SERPINA6: variants seen among roughly 807,000 people sequenced by gnomAD.
The protein encoded by SERPINA6 is serpin family A member 6.
In SERPINA6, 19 loss-of-function variants were observed where a neutral mutation model predicts 26.4. The ratio of observed to expected loss-of-function variants is 0.72; its 90% CI spans 0.50 to 1.06. SERPINA6 has a LOEUF of 1.06. Ranked by LOEUF, SERPINA6 falls within the 50% of genes least tolerant of loss-of-function variation. The pLI, the probability that SERPINA6 is intolerant of heterozygous loss-of-function variation, is 0.00. For missense variants in SERPINA6, 473 were observed against 504.0 expected, an observed-to-expected ratio of 0.94 and a Z score of 0.59; for synonymous variants, 196 against 199.4, an observed-to-expected ratio of 0.98 and a Z score of 0.14.
At chr14:94,316,312 G>A (rs1895613399) in intron 1 of SERPINA6, among the ~76,000 whole-genome samples, 2 of 152,154 alleles carry the variant, frequency 1.3e-5, no homozygotes, top group African/African-American at 2.4e-5. Flanking sequence ...TGTCCTATTT[G>A]CACTTGAGAA....
At chr14:94,316,645 C>G (rs1895618771) in intron 1 of SERPINA6, among the ~76,000 whole-genome samples, 1 of 152,138 alleles carries the variant, frequency 6.6e-6, no homozygotes, top group African/African-American at 2.4e-5. Context: ...GGAATTAGTG[C>G]CTACATAAAA....
chr14:94,314,508 G>C lies in SERPINA6; in HGVS notation c.141C>G (p.Ala47=), dbSNP rs745877446. 1 of 1,614,236 alleles carries C rather than the reference G, an allele frequency of 6.2e-7. No homozygotes were observed. ...RGLASANVDF[A]FSLYKHLVAL... is the part of the protein sequence containing the mutation. ...CCACTAGGTGCTTATACAGGCTGAA[G>C]GCAAAGTCAACGTTGGCTGAAGCCA... The change falls in exon 2 of 5, where the codon GCC becomes GCG. Residue 47 remains alanine, a synonymous_variant. Coordinates refer to ENST00000341584, the MANE Select transcript of SERPINA6 (RefSeq NM_001756.4).
chr14:94,322,680 G>C (rs190492349), intron 1 of SERPINA6, among the ~76,000 whole-genome samples: 1 of 152,310 alleles, frequency 6.6e-6, no homozygotes, highest in East Asian at 1.9e-4. Flanking sequence ...TGCCCTATGA[G>C]CCAGGCACAG....
In SERPINA6 at chr14:94,306,226, G is replaced by C; in HGVS notation, c.885-8C>G. ...ATGTACAGGTCCACCTGGCTGCTCGGGGTAAGCAGACAGAGTTAGACATTC... is the reference window on the plus strand; with the variant it reads ...ATGTACAGGTCCACCTGGCTGCTCGCGGTAAGCAGACAGAGTTAGACATTC... On this transcript the variant is annotated splice_polypyrimidine_tract_variant and splice_region_variant and intron_variant, in intron 3 of 4. Transcript: ENST00000341584. 1 of 1,614,098 alleles carries C rather than the reference G, an allele frequency of 6.2e-7. No homozygotes were observed. Among genetic ancestry groups the C allele is most frequent in the Non-Finnish European group, 8.5e-7 (1 of 1,180,012 alleles).
chr14:94,310,515 G>C (rs563481358), intron 2 of SERPINA6, among the ~76,000 whole-genome samples: 1 of 152,234 alleles, frequency 6.6e-6, no homozygotes, highest in Non-Finnish European at 1.5e-5. Context: ...AGGGTGAGAA[G>C]ACTCCTTCAG....
At chr14:94,306,590 C>A (rs1275966380) in intron 3 of SERPINA6, among the ~76,000 whole-genome samples, 2 of 152,208 alleles carry the variant, frequency 1.3e-5, no homozygotes, top group African/African-American at 4.8e-5. Flanking sequence ...GGAGGGAGTG[C>A]CCAGCTGGGA....
rs770070954 is a variant in SERPINA6, at chr14:94,314,202, G to A, written c.447C>T (p.His149=). The A allele has an allele frequency of 1.2e-6, 2 of 1,614,252 alleles. No homozygotes were observed. Among genetic ancestry groups the A allele is most frequent in the Non-Finnish European group, 8.5e-7 (1 of 1,180,046 alleles). ...LLESFSADIK[H]YYESEVLAMN... ...TAGCCAAGACCTCTGACTCATAGTA[G>A]TGCTTGATGTCTGCTGAGAATGACT... is the stretch of plus-strand genomic sequence containing the variant. The change falls in exon 2 of 5, where the codon CAC becomes CAT. Residue 149 remains histidine, a synonymous_variant. Coordinates refer to ENST00000341584, the MANE Select transcript of SERPINA6 (RefSeq NM_001756.4).
At chr14:94,304,730 G>T in intron 4 of SERPINA6, 127 bp from the exon 5 acceptor site, 1 of 783,488 alleles carries the variant, frequency 1.3e-6, no homozygotes, top group African/African-American at 1.7e-5. Flanking sequence ...AAGGTCACTT[G>T]CTGGATTCTT....
chr14:94,310,392 G>C (rs906472342), intron 2 of SERPINA6, among the ~76,000 whole-genome samples: 1 of 150,054 alleles, frequency 6.7e-6, no homozygotes, highest in South Asian at 2.1e-4. Flanking sequence ...CAGAGTCCCT[G>C]GTGGGAAGCG....
In SERPINA6 at chr14:94,314,236, T is replaced by C; in HGVS notation, c.413A>G (p.Glu138Gly). The C allele has an allele frequency of 6.2e-7, 1 of 1,614,210 alleles. No individual in the cohort carries two copies. The highest frequency in any genetic ancestry group is 8.5e-7 in the Non-Finnish European group (1 of 1,180,022). The part of the protein sequence containing the change: ...GNALFLDGSL[E>G]LLESFSADIK... The stretch of plus-strand genomic sequence containing the variant: ...GTCTGCTGAGAATGACTCCAGCAAC[T>C]CCAGGCTGCCATCAAGAAACAAGGC... Residue 138 changes from glutamate to glycine, a missense_variant, in exon 2 of 5, where the codon GAG (glutamate) becomes GGG (glycine). Physicochemically the swap from Glu to Gly is moderately conservative, Grantham distance 98. Transcript: ENST00000341584.
chr14:94,315,399 G>A (rs1895600374), intron 1 of SERPINA6, among the ~76,000 whole-genome samples: 1 of 151,964 alleles, frequency 6.6e-6, no homozygotes, highest in Admixed American at 6.6e-5. Flanking sequence ...TTACATTTTG[G>A]TTTAATTTAT....
chr14:94,318,132 A>G (rs1359858707), intron 1 of SERPINA6, among the ~76,000 whole-genome samples: 1 of 152,246 alleles, frequency 6.6e-6, no homozygotes, highest in Admixed American at 6.5e-5. Flanking sequence ...GGGAGGTAAG[A>G]GACATACACT....
chr14:94,321,107 A>C (rs912471201), intron 1 of SERPINA6, among the ~76,000 whole-genome samples: 5 of 152,078 alleles, frequency 3.3e-5, no homozygotes, highest in Non-Finnish European at 2.9e-5. Context: ...AGAGCTGATA[A>C]TAACACCTCT....
rs1895585940 is a variant in SERPINA6 at position 94,314,589 on chromosome 14, G to A, written c.60C>T (p.Val20=). The A allele has an allele frequency of 6.2e-7, 1 of 1,614,232 alleles. No homozygotes were observed. The highest frequency in any genetic ancestry group is 2.2e-5 in the East Asian group (1 of 44,892). The change falls in exon 2 of 5, where the codon GTC becomes GTT. Residue 20 remains valine, a synonymous_variant. Coordinates refer to ENST00000341584, the MANE Select transcript of SERPINA6 (RefSeq NM_001756.4). ...LWLPTSGLWT[V]QAMDPNAAYV... ...AAGCAGCGTTAGGATCCATGGCCTGGACGGTCCAGAGGCCGCTGGTGGGCA... is the reference window on the plus strand; with the variant it reads ...AAGCAGCGTTAGGATCCATGGCCTGAACGGTCCAGAGGCCGCTGGTGGGCA...
chr14:94,312,744 C>CA (rs1895549799), intron 2 of SERPINA6, among the ~76,000 whole-genome samples: 1 of 152,050 alleles, frequency 6.6e-6, no homozygotes, highest in Non-Finnish European at 1.5e-5. Context: ...AGAAGAAGGA[C>CA]TCGTAGAGAT....
chr14:94,319,292 AT>A (rs76983957), intron 1 of SERPINA6, among the ~76,000 whole-genome samples: 30,305 of 152,028 alleles, frequency 0.2, 3,390 homozygotes, highest in East Asian at 0.39. Context: ...CTTTAAAAAA[AT>A]TTTTTTTTTA....
At chr14:94,313,573 C>A (rs951214246) in intron 2 of SERPINA6, among the ~76,000 whole-genome samples, 1 of 152,170 alleles carries the variant, frequency 6.6e-6, no homozygotes, top group Non-Finnish European at 1.5e-5. Context: ...TGCATTCCCC[C>A]CTAGAGCTTC....
intron 1 of SERPINA6, among the ~76,000 whole-genome samples, chr14:94,317,829 T>C (rs1268413678): frequency 1.3e-5 from 2 of 152,188 alleles, no homozygotes; most frequent in African/African-American, 4.8e-5. Flanking sequence ...TTTTACCTAA[T>C]ATAGCACTGG....
At chr14:94,316,172 C>T (rs755575737) in intron 1 of SERPINA6, among the ~76,000 whole-genome samples, 10 of 151,992 alleles carry the variant, frequency 6.6e-5, no homozygotes, top group African/African-American at 1.2e-4. Flanking sequence ...GTAAAATTTC[C>T]AGTTTTCCTT....
Sources: allele counts gnomAD v4.1 joint callset (sites outside exome capture counted in the v4.1 genomes callset), GRCh38; gene constraint gnomAD v4.1.1; transcripts MANE v1.5; gene names NCBI Gene and HGNC (gene_info 2026-07-23, HGNC 2026-07-21).